The following UBE2H variants were observed in gnomAD, a reference collection of about 807,000 sequenced individuals.
The protein encoded by UBE2H is ubiquitin conjugating enzyme E2 H.
UBE2H carries 3 observed loss-of-function variants against 29.0 expected under a neutral mutation model. The ratio of observed to expected loss-of-function variants is 0.10; its 90% CI spans 0.05 to 0.27. The LOEUF (loss-of-function observed/expected upper bound fraction) is 0.27, where lower values mean the gene tolerates loss of function less well. Ranked by LOEUF, UBE2H falls within the 10% of genes least tolerant of loss-of-function variation. The pLI, the probability that UBE2H is intolerant of heterozygous loss-of-function variation, is 1.00. For synonymous variants in UBE2H, 69 were observed against 82.9 expected, an observed-to-expected ratio of 0.83 and a Z score of 0.91; for missense variants, 68 against 228.2, an observed-to-expected ratio of 0.30 and a Z score of 4.52.
intron 1 of UBE2H, among the ~76,000 whole-genome samples, chr7:129,939,863 G>A (rs956685850): frequency 1.2e-4 from 18 of 152,100 alleles, no homozygotes; most frequent in African/African-American, 4.3e-4. Flanking sequence ...GGAGCCTGAG[G>A]CAGGAGAATC....
intron 1 of UBE2H, among the ~76,000 whole-genome samples, chr7:129,889,163 G>T (rs1290292735): frequency 6.6e-6 from 1 of 152,194 alleles, no homozygotes; most frequent in African/African-American, 2.4e-5. Flanking sequence ...GGCAAACAGG[G>T]AAACAGTATT....
intron 1 of UBE2H, among the ~76,000 whole-genome samples, chr7:129,945,099 C>A (rs964848905): frequency 1.3e-5 from 2 of 151,868 alleles, no homozygotes; most frequent in African/African-American, 4.8e-5. Context: ...GAAATGAGAT[C>A]AATGGTTGGA....
chr7:129,877,717 G>A (rs895700560), intron 3 of UBE2H, among the ~76,000 whole-genome samples: 5 of 152,146 alleles, frequency 3.3e-5, no homozygotes, highest in African/African-American at 9.7e-5. Flanking sequence ...TTAAGAAAGC[G>A]TGGAGGCTTT....
At chr7:129,862,245 T>C (rs2116325771) in intron 3 of UBE2H, among the ~76,000 whole-genome samples, 1 of 152,280 alleles carries the variant, frequency 6.6e-6, no homozygotes, top group East Asian at 1.9e-4. Flanking sequence ...TATTAAGAAT[T>C]AAAAATACGT....
At chr7:129,931,447 A>G (rs1807398104) in intron 1 of UBE2H, among the ~76,000 whole-genome samples, 1 of 152,114 alleles carries the variant, frequency 6.6e-6, no homozygotes, top group Non-Finnish European at 1.5e-5. Flanking sequence ...GTTATTTACC[A>G]TTTTAGAAAC....
intron 1 of UBE2H, among the ~76,000 whole-genome samples, chr7:129,930,444 G>A (rs920173094): frequency 2.0e-5 from 3 of 151,964 alleles, no homozygotes; most frequent in Admixed American, 6.6e-5. Flanking sequence ...GATTACAGGC[G>A]TGAGCCACCT....
rs1023824778 is a variant in UBE2H, at chr7:129,857,265, G to A, written c.298+246C>T. On this transcript the variant is annotated intron_variant, in intron 5 of 6. Coordinates refer to ENST00000355621, the MANE Select transcript of UBE2H (RefSeq NM_003344.4). ...TGTGTGTGCGCATGTACTCATGTGT[G>A]TGCACATGTATCACTATACCTTAAG... The A allele has an allele frequency of 1.1e-5, 6 of 523,882 alleles. No individual in the cohort carries two copies. In the Admixed American group the frequency reaches 1.5e-4, roughly 13 times the overall value. 32.5% of individuals were successfully genotyped at this position (523,882 alleles called of 1,614,324 possible).
At chr7:129,845,735 G>A (rs749595415) in intron 5 of UBE2H, among the ~76,000 whole-genome samples, 10 of 152,200 alleles carry the variant, frequency 6.6e-5, no homozygotes, top group East Asian at 1.9e-4. Flanking sequence ...GTGAACAACA[G>A]ATGAAAAATC....
At chr7:129,879,370 T>C (rs571297407) in intron 3 of UBE2H, among the ~76,000 whole-genome samples, 198 bp downstream of exon 3, 1 of 152,342 alleles carries the variant, frequency 6.6e-6, no homozygotes, top group East Asian at 1.9e-4. Context: ...ATTATAATTA[T>C]GCAAAGAGTA....
chr7:129,927,804 T>G (rs1329580536), intron 1 of UBE2H, among the ~76,000 whole-genome samples: 1 of 151,612 alleles, frequency 6.6e-6, no homozygotes, highest in East Asian at 1.9e-4. Context: ...GTTACTAGAG[T>G]CTGGTGGGGA....
At chr7:129,935,574 T>C (rs1322587783) in intron 1 of UBE2H, among the ~76,000 whole-genome samples, 1 of 152,144 alleles carries the variant, frequency 6.6e-6, no homozygotes, top group East Asian at 1.9e-4. Context: ...ACAGGGTAAA[T>C]ACAATTCTGA....
At chr7:129,881,681 G>T (rs1444402418) in intron 1 of UBE2H, among the ~76,000 whole-genome samples, 1 of 151,860 alleles carries the variant, frequency 6.6e-6, no homozygotes, top group East Asian at 1.9e-4. Flanking sequence ...TGAAAAATAG[G>T]CGCTTAATTT....
At chr7:129,912,723 C>T (rs1806961939) in intron 1 of UBE2H, among the ~76,000 whole-genome samples, 1 of 152,132 alleles carries the variant, frequency 6.6e-6, no homozygotes, top group Non-Finnish European at 1.5e-5. Flanking sequence ...CTGTTTTTGG[C>T]CCTTATAAAG....
intron 5 of UBE2H, among the ~76,000 whole-genome samples, chr7:129,852,842 C>A (rs1584744552): frequency 1.3e-5 from 2 of 152,114 alleles, no homozygotes; most frequent in Non-Finnish European, 2.9e-5. Context: ...TCTCCTGCCT[C>A]AGCTGTCCGA....
At chr7:129,896,315 T>G (rs1004533272) in intron 1 of UBE2H, among the ~76,000 whole-genome samples, 1 of 151,936 alleles carries the variant, frequency 6.6e-6, no homozygotes, top group South Asian at 2.1e-4. Flanking sequence ...CCAGCCTGGG[T>G]AACAGAGTGA....
At chr7:129,942,328 A>C (rs1245956115) in intron 1 of UBE2H, among the ~76,000 whole-genome samples, 1 of 151,946 alleles carries the variant, frequency 6.6e-6, no homozygotes, top group East Asian at 1.9e-4. Flanking sequence ...TCTCTACTAA[A>C]AATAAAAAAT....
intron 1 of UBE2H, among the ~76,000 whole-genome samples, chr7:129,893,078 T>G (rs982415696): frequency 6.6e-6 from 1 of 152,228 alleles, no homozygotes; most frequent in African/African-American, 2.4e-5. Context: ...AGACCCATTA[T>G]CTTAGGAGTA....
intron 1 of UBE2H, among the ~76,000 whole-genome samples, chr7:129,924,124 C>A (rs1401955971): frequency 1.3e-5 from 2 of 152,204 alleles, no homozygotes; most frequent in Non-Finnish European, 2.9e-5. Context: ...GCAATCCTAG[C>A]ACTTCAGGAG....
chr7:129,858,891 T>C lies in UBE2H; in HGVS notation c.245+11A>G, dbSNP rs1208535016. 3 of 1,607,266 alleles carry C rather than the reference T, an allele frequency of 1.9e-6. No individual in the cohort carries two copies. Among genetic ancestry groups the C allele is most frequent in the Non-Finnish European group, 2.6e-6 (3 of 1,175,336 alleles). ...CTGCTAAAATTGAAACATTTTAAAA[T>C]AGTTACTTACGCTTCATCAATGTTG... On this transcript the variant is annotated intron_variant, in intron 4 of 6. Coordinates refer to ENST00000355621, the MANE Select transcript of UBE2H (RefSeq NM_003344.4).
Sources: allele counts gnomAD v4.1 joint callset (sites outside exome capture counted in the v4.1 genomes callset), GRCh38; gene constraint gnomAD v4.1.1; transcripts MANE v1.5; gene names NCBI Gene and HGNC (gene_info 2026-07-23, HGNC 2026-07-21).